Variants in LVRN observed in about 807,000 individuals in gnomAD.
LVRN encodes the protein laeverin, also known as aminopeptidase Q.
LVRN carries 99 observed loss-of-function variants against 111.4 expected under a neutral mutation model. The observed-to-expected ratio is 0.89, with a 90% CI of 0.76 to 1.05. The LOEUF is 1.05. Ranked by LOEUF, LVRN falls within the 50% of genes least tolerant of loss-of-function variation. The probability of loss-of-function intolerance (pLI) is 0.00; values close to 1 mark genes in which losing one functional copy is unlikely to be tolerated. For synonymous variants in LVRN, 488 were observed against 449.5 expected (o/e 1.09, Z -1.08); for missense variants, 1,414 against 1,206.8 (o/e 1.17, Z -2.54).
At chr5:116,017,811 T>C (rs1408107709) in intron 18 of LVRN, among the ~76,000 whole-genome samples, 3 of 152,256 alleles carry the variant, frequency 2.0e-5, no homozygotes, top group Non-Finnish European at 2.9e-5. Flanking sequence ...ACTGAGATAA[T>C]ATGATGTATC....
intron 1 of LVRN, among the ~76,000 whole-genome samples, chr5:115,965,432 CTT>C (rs780941480): frequency 4.6e-5 from 7 of 152,248 alleles, no homozygotes; most frequent in Middle Eastern, 3.4e-3. Context: ...AAGTGGTAAA[CTT>C]TATGTTATGT....
At chr5:115,973,616 C>T (rs1008118407) in intron 1 of LVRN, among the ~76,000 whole-genome samples, 9 of 152,186 alleles carry the variant, frequency 5.9e-5, no homozygotes, top group Non-Finnish European at 1.0e-4. Flanking sequence ...TCTATTTCTT[C>T]ATGAGTAAAC....
At chr5:116,010,471 A>G (rs1748463437) in intron 13 of LVRN, 5 of 500,064 alleles carry the variant, frequency 1.0e-5, no homozygotes, top group Non-Finnish European at 1.5e-5. Context: ...TAACTCTTCT[A>G]TTTCCTAATA....
intron 4 of LVRN, 69 bp from the exon 5 acceptor site, chr5:115,992,054 G>A: frequency 1.4e-6 from 2 of 1,432,872 alleles, no homozygotes; most frequent in Non-Finnish European, 1.9e-6. Context: ...ATTTCATTTT[G>A]AGATATTTAA....
At chr5:115,987,764 CA>C in intron 3 of LVRN, 48 bp from the exon 4 acceptor site, 1 of 1,577,786 alleles carries the variant, frequency 6.3e-7, no homozygotes, top group Admixed American at 1.8e-5. Flanking sequence ...TACCTCTTTC[CA>C]AAATCACTAC....
At position 115,977,721 on chromosome 5, in the gene LVRN, G is replaced by A. The variant is rs558042460; in HGVS notation, c.696-5566G>A. 5.9e-5 allele frequency among the ~76,000 whole-genome samples: 9 copies of A among 152,126 alleles called. No homozygotes were observed. In the South Asian group the frequency reaches 8.3e-4, roughly 14 times the overall value. ...TTCTGGTACCACTGTGCACTTGCTG[G>A]TCGTCTAATCAGTTGCATAAACTCC... On this transcript the variant is annotated intron_variant, in intron 1 of 19. Transcript: ENST00000357872.
chr5:115,978,649 C>T (rs1753496453), intron 1 of LVRN, among the ~76,000 whole-genome samples: 1 of 152,158 alleles, frequency 6.6e-6, no homozygotes, highest in Non-Finnish European at 1.5e-5. Context: ...TCTCTCCCAC[C>T]TCCATTTTTC....
rs372459181 is a variant in LVRN, at chr5:115,999,813, G to A, written c.1426G>A (p.Ala476Thr). ...ILHNILREDHALVTRAVAMKV... is the reference protein window; with the variant it reads ...ILHNILREDHTLVTRAVAMKV... Reference sequence around the variant, plus strand: ...ACATAATATCCTCAGAGAAGATCACGCCCTGGTGACTAGAGCTGTGGCCAT... The same window carrying A: ...ACATAATATCCTCAGAGAAGATCACACCCTGGTGACTAGAGCTGTGGCCAT... Residue 476 changes from alanine to threonine, a missense_variant, in exon 7 of 20, where the codon GCC becomes ACC. Ala to Thr is a moderately conservative substitution (Grantham distance 58). Coordinates refer to ENST00000357872, the MANE Select transcript of LVRN (RefSeq NM_173800.5). 225 of 1,612,960 alleles carry A rather than the reference G, an allele frequency of 1.4e-4. 1 individual carries two copies. Among genetic ancestry groups the A allele is most frequent in the Middle Eastern group, 1.6e-4 (1 of 6,074 alleles).
At chr5:115,977,250 G>A (rs1753468523) in intron 1 of LVRN, among the ~76,000 whole-genome samples, 1 of 152,126 alleles carries the variant, frequency 6.6e-6, no homozygotes, top group Non-Finnish European at 1.5e-5. Flanking sequence ...TAGCTGTCTA[G>A]GTGTCCCTGA....
chr5:115,993,523 T>C (rs1327044402), intron 5 of LVRN, among the ~76,000 whole-genome samples: 1 of 152,204 alleles, frequency 6.6e-6, no homozygotes, highest in Non-Finnish European at 1.5e-5. Flanking sequence ...CTTTTAATAA[T>C]TGAACATGGA....
intron 1 of LVRN, chr5:115,975,014 C>T (rs1455040953): frequency 2.0e-5 from 7 of 352,730 alleles, no homozygotes; most frequent in Non-Finnish European, 3.9e-5. Flanking sequence ...ATCTAGAAAA[C>T]TTTGGATATA....
chr5:115,998,968 G>C (rs964542488), intron 6 of LVRN, among the ~76,000 whole-genome samples: 1 of 152,198 alleles, frequency 6.6e-6, no homozygotes, highest in Admixed American at 6.5e-5. Context: ...CGCTGTCAAA[G>C]GGTGAGAGAG....
rs545124477 is a variant in LVRN, at chr5:115,985,561, G to A, written c.978+852G>A. Among the ~76,000 whole-genome samples, 23 of 152,298 alleles carry A rather than the reference G, an allele frequency of 1.5e-4. No homozygotes were observed. In the South Asian group the frequency reaches 4.8e-3, roughly 32 times the overall value. ...TTAACACATTAACTAGACATTTAGA[G>A]GCACTCTCAGACTCAAGGTTAGTCA... On this transcript the variant is annotated intron_variant, in intron 3 of 19. Transcript: ENST00000357872.
At chr5:116,022,716 G>A (rs1282450748) in intron 19 of LVRN, among the ~76,000 whole-genome samples, 7 of 152,130 alleles carry the variant, frequency 4.6e-5, no homozygotes, top group African/African-American at 9.7e-5. Flanking sequence ...CAGGGTTCCC[G>A]TCCCAGACCG....
At chr5:116,018,776 G>A (rs1242253566) in intron 18 of LVRN, among the ~76,000 whole-genome samples, 14 of 152,232 alleles carry the variant, frequency 9.2e-5, no homozygotes, top group Admixed American at 4.6e-4. Context: ...ATCTTATGAC[G>A]TGATTTATTT....
Position 115,999,878 on chromosome 5 carries a change from C to G in LVRN, c.1491C>G (p.Leu497=). The change falls in exon 7 of 20, where the codon CTC becomes CTG. Residue 497 remains leucine (L), a synonymous_variant. Transcript: ENST00000357872. ...ENFKTSEIQE[L]FDIFTYSKGA... ...TCAAAACAAGTGAAATACAGGAACT[C>G]TTTGACATATTTACTTACAGCAAGG... is the stretch of plus-strand genomic sequence containing the variant. The G allele has an allele frequency of 6.2e-7, 1 of 1,611,876 alleles. No homozygotes were observed. The highest frequency in any genetic ancestry group is 8.5e-7 in the Non-Finnish European group (1 of 1,179,474).
chr5:116,000,974 A>C, intron 9 of LVRN, 93 bp from the exon 10 acceptor site: 35 of 1,388,130 alleles, frequency 2.5e-5, no homozygotes, highest in Non-Finnish European at 2.8e-5. Flanking sequence ...TAAGTGAGGA[A>C]GAGAATAGCT....
chr5:116,009,989 GA>G (rs1349797255), intron 13 of LVRN, among the ~76,000 whole-genome samples: 1 of 152,176 alleles, frequency 6.6e-6, no homozygotes, highest in Non-Finnish European at 1.5e-5. Flanking sequence ...GCATACTACA[GA>G]AAAATCTTTT....
At chr5:116,010,707 GT>G (rs754441134) in intron 13 of LVRN, 33 bp from the exon 14 acceptor site, 3 of 1,568,444 alleles carry the variant, frequency 1.9e-6, no homozygotes, top group Non-Finnish European at 2.6e-6. Flanking sequence ...GCAAGTGAAG[GT>G]TTTTTGAGTG....
Sources: allele counts gnomAD v4.1 joint callset (sites outside exome capture counted in the v4.1 genomes callset), GRCh38; gene constraint gnomAD v4.1.1; transcripts MANE v1.5; gene names NCBI Gene and HGNC (gene_info 2026-07-23, HGNC 2026-07-21).